The following POLR3B variants were observed in gnomAD, a reference collection of about 807,000 sequenced individuals.
The protein encoded by POLR3B is RNA polymerase III subunit B.
Under a neutral mutation model 147.4 loss-of-function variants are expected in POLR3B, and 96 were observed. The observed-to-expected ratio is 0.65, with a 90% confidence interval of 0.55 to 0.77. The LOEUF is 0.77. POLR3B is among the 30% of genes least tolerant of loss of function. The probability of loss-of-function intolerance (pLI) is 0.00; values close to 1 mark genes in which losing one functional copy is unlikely to be tolerated. For synonymous variants in POLR3B, 461 were observed against 485.9 expected, an observed-to-expected ratio of 0.95 and a Z score of 0.67; for missense variants, 1,036 against 1,413.5, an observed-to-expected ratio of 0.73 and a Z score of 4.28.
At chr12:106,495,235 T>C (rs2038461711) in intron 23 of POLR3B, among the ~76,000 whole-genome samples, 1 of 152,220 alleles carries the variant, frequency 6.6e-6, no homozygotes, top group African/African-American at 2.4e-5. Flanking sequence ...AAATCCCCTA[T>C]AGGTTAGAAT....
At chr12:106,359,854 T>C (rs1354088805) in intron 1 of POLR3B, among the ~76,000 whole-genome samples, 1 of 152,240 alleles carries the variant, frequency 6.6e-6, no homozygotes, top group Non-Finnish European at 1.5e-5. Flanking sequence ...TGGACTCTTG[T>C]CAGTCTGACT....
intron 23 of POLR3B, among the ~76,000 whole-genome samples, chr12:106,474,856 T>C (rs891315874): frequency 1.3e-5 from 2 of 152,058 alleles, no homozygotes; most frequent in African/African-American, 4.8e-5. Context: ...GTTTTGTGTC[T>C]CTATTTCTTT....
intron 3 of POLR3B, 27 bp downstream of exon 3, chr12:106,366,599 A>G (rs1411281918): frequency 2.5e-6 from 4 of 1,597,438 alleles, no homozygotes; most frequent in East Asian, 2.2e-5. Flanking sequence ...AGAAATAGAC[A>G]TAAACTAAGG....
At chr12:106,405,067 AT>A (rs1288595743) in intron 10 of POLR3B, among the ~76,000 whole-genome samples, 3 of 152,078 alleles carry the variant, frequency 2.0e-5, no homozygotes, top group African/African-American at 7.2e-5. Context: ...TGGACTTTTT[AT>A]TCTCTTTCAT....
At chr12:106,476,744 T>G (rs1410487014) in intron 23 of POLR3B, among the ~76,000 whole-genome samples, 1 of 151,800 alleles carries the variant, frequency 6.6e-6, no homozygotes, top group Non-Finnish European at 1.5e-5. Context: ...TTCTCTGTAT[T>G]GGTTATTGTA....
intron 6 of POLR3B, among the ~76,000 whole-genome samples, chr12:106,371,140 A>G (rs960259639): frequency 1.3e-5 from 2 of 151,540 alleles, no homozygotes; most frequent in African/African-American, 4.9e-5. Context: ...ACATGAACAG[A>G]CACTTCTCAA....
At chr12:106,501,263 G>T (rs904021582) in intron 25 of POLR3B, 60 bp from the exon 26 acceptor site, 3 of 1,008,142 alleles carry the variant, frequency 3.0e-6, no homozygotes, top group African/African-American at 3.2e-5. Context: ...GGGTCCAAAG[G>T]CTGTCTCTTG....
At chr12:106,409,355 G>GTTTTT (rs1164848244) in intron 11 of POLR3B, among the ~76,000 whole-genome samples, 1 of 123,084 alleles carries the variant, frequency 8.1e-6, no homozygotes, top group African/African-American at 3.2e-5. Flanking sequence ...GGTTTTTTTT[G>GTTTTT]TTTTTTTTTT....
At chr12:106,487,672 C>A (rs2038357777) in intron 23 of POLR3B, among the ~76,000 whole-genome samples, 1 of 152,108 alleles carries the variant, frequency 6.6e-6, no homozygotes, top group African/African-American at 2.4e-5. Flanking sequence ...TTAAAGGAGA[C>A]TTGAAAATTT....
At chr12:106,357,997 T>G (rs1417514180) in intron 1 of POLR3B, 46 bp downstream of exon 1, 2 of 1,603,168 alleles carry the variant, frequency 1.2e-6, no homozygotes, top group South Asian at 2.2e-5. Flanking sequence ...GGATGCGCCC[T>G]GAGGGGGCGT....
chr12:106,435,223 G>T (rs1173991181), intron 16 of POLR3B, among the ~76,000 whole-genome samples: 1 of 151,790 alleles, frequency 6.6e-6, no homozygotes, highest in Non-Finnish European at 1.5e-5. Context: ...CGCCTCCCAG[G>T]TTCAAGCGAT....
intron 23 of POLR3B, among the ~76,000 whole-genome samples, chr12:106,478,118 G>A (rs2038207978): frequency 6.6e-6 from 1 of 151,742 alleles, no homozygotes; most frequent in South Asian, 2.1e-4. Context: ...TATTGCCCAG[G>A]CTGGTCCCAA....
At chr12:106,433,893 A>G (rs2037542077) in intron 16 of POLR3B, 21 bp downstream of exon 16, 1 of 1,600,962 alleles carries the variant, frequency 6.2e-7, no homozygotes, top group Non-Finnish European at 8.6e-7. Flanking sequence ...AGGTTACTAA[A>G]AAGAGTTTTT....
At chr12:106,363,412 T>C (rs1261163183) in intron 1 of POLR3B, among the ~76,000 whole-genome samples, 1 of 152,184 alleles carries the variant, frequency 6.6e-6, no homozygotes, top group Non-Finnish European at 1.5e-5. Context: ...TCAGGCAATG[T>C]AGGAAGCAAT....
chr12:106,430,670 C>T (rs775049202), intron 14 of POLR3B, among the ~76,000 whole-genome samples, 197 bp downstream of exon 14: 1 of 152,168 alleles, frequency 6.6e-6, no homozygotes, highest in Non-Finnish European at 1.5e-5. Flanking sequence ...CCTGCAGAAG[C>T]ATTTGATTCA....
At chr12:106,393,252 G>A in intron 10 of POLR3B, 99 bp downstream of exon 10, 1 of 1,537,438 alleles carries the variant, frequency 6.5e-7, no homozygotes, top group South Asian at 1.1e-5. Flanking sequence ...TGGGCTCATA[G>A]ATTTGGGAAA....
At chr12:106,477,151 C>T (rs1293300728) in intron 23 of POLR3B, among the ~76,000 whole-genome samples, 5 of 138,154 alleles carry the variant, frequency 3.6e-5, no homozygotes, top group African/African-American at 1.5e-4. Context: ...TGTGCCCCTG[C>T]TGGGGGGTGC....
intron 19 of POLR3B, among the ~76,000 whole-genome samples, chr12:106,451,013 A>G (rs567976022): frequency 1.8e-4 from 28 of 152,328 alleles, no homozygotes; most frequent in African/African-American, 6.0e-4. Context: ...AAAAGAATGA[A>G]GCATAATATT....
In POLR3B at chr12:106,369,304, A is replaced by G. The variant is rs765643493; in HGVS notation, c.257A>G (p.Asp86Gly). Residue 86 changes from aspartate (D) to glycine (G), a missense_variant, in exon 5 of 28, where the codon GAT becomes GGT. Asp to Gly is a moderately conservative substitution (Grantham distance 94). Transcript: ENST00000228347. ...KYLNIYVGLP[D>G]VEESFNVTRP... ...CTTAATATCTATGTTGGGCTTCCTG[A>G]TGTTGAAGAAAGCTTCAATGTAACT... The G allele has an allele frequency of 1.2e-6, 2 of 1,600,442 alleles. No individual in the cohort carries two copies. The highest frequency in any genetic ancestry group is 1.7e-6 in the Non-Finnish European group (2 of 1,167,498).
Sources: allele counts gnomAD v4.1 joint callset (sites outside exome capture counted in the v4.1 genomes callset), GRCh38; gene constraint gnomAD v4.1.1; transcripts MANE v1.5; gene names NCBI Gene and HGNC (gene_info 2026-07-23, HGNC 2026-07-21).